Variants in LTF observed in about 807,000 individuals in gnomAD.
The protein encoded by LTF is lactotransferrin, also known as epididymis luminal protein 110.
LTF carries 91 observed loss-of-function variants against 87.2 expected under a neutral mutation model. The observed-to-expected ratio is 1.04, with a 90% CI of 0.88 to 1.24. LTF has a LOEUF of 1.24. Among genes scored for constraint, LTF ranks in the 50% most tolerant of loss-of-function variants. LTF has a pLI of 0.00. For missense variants in LTF, 901 were observed against 904.3 expected, an observed-to-expected ratio of 1.00 and a Z score of 0.05; for synonymous variants, 378 against 356.1, an observed-to-expected ratio of 1.06 and a Z score of -0.69.
chr3:46,474,025 C>G (rs1180128356), intron 1 of LTF, among the ~76,000 whole-genome samples: 1 of 151,906 alleles, frequency 6.6e-6, no homozygotes, highest in East Asian at 1.9e-4. Flanking sequence ...TTAAGTAACC[C>G]ACAGGACAGT....
intron 6 of LTF, 96 bp downstream of exon 6, chr3:46,454,209 G>T: frequency 1.9e-6 from 2 of 1,054,534 alleles, no homozygotes; most frequent in Non-Finnish European, 1.5e-6. Flanking sequence ...AAAATGGTCT[G>T]CCATGAACTT....
At position 46,450,678 on chromosome 3, in the gene LTF, A is replaced by C; in HGVS notation, c.704-5T>G. On this transcript the variant is annotated splice_polypyrimidine_tract_variant and splice_region_variant and intron_variant, in intron 6 of 16. Coordinates refer to ENST00000231751, the MANE Select transcript of LTF (RefSeq NM_002343.6). ...CAGCCTCGTCTGACAGGTCCTCTGC[A>C]GGGAAGGTGAGGTGGGAGGGAGTCT... The C allele has an allele frequency of 6.2e-7, 1 of 1,605,112 alleles. No homozygotes were observed. The highest frequency in any genetic ancestry group is 8.5e-7 in the Non-Finnish European group (1 of 1,172,262).
intron 1 of LTF, 27 bp from the exon 2 acceptor site, chr3:46,459,846 G>A: frequency 6.7e-7 from 1 of 1,493,404 alleles, no homozygotes; most frequent in Non-Finnish European, 8.9e-7. Context: ...AAGGAGTAAG[G>A]ATTCAACCAC....
chr3:46,473,081 G>A (rs1703315805), intron 1 of LTF, among the ~76,000 whole-genome samples: 1 of 151,986 alleles, frequency 6.6e-6, no homozygotes, highest in Admixed American at 6.5e-5. Context: ...TCCATTCCAT[G>A]GTCTGGAGAT....
At chr3:46,437,635 T>C (rs1702415947) in intron 16 of LTF, among the ~76,000 whole-genome samples, 1 of 152,158 alleles carries the variant, frequency 6.6e-6, no homozygotes, top group Non-Finnish European at 1.5e-5. Context: ...TTTTGTCATT[T>C]CTCAATGCAT....
In LTF at chr3:46,449,812, A is replaced by G. The variant is rs202085912; in HGVS notation, c.1057+42T>C. ...AGGGCCACCTGCTGGGAAGTAGAAG[A>G]CCACACCAGGCGGACCTCAGGACCC... is the stretch of plus-strand genomic sequence containing the variant. On this transcript the variant is annotated intron_variant, in intron 8 of 16. Coordinates refer to ENST00000231751, the MANE Select transcript of LTF (RefSeq NM_002343.6). 1.9e-5 allele frequency: 31 copies of G among 1,608,678 alleles called. No homozygotes were observed. In the Admixed American group the frequency reaches 2.8e-4, roughly 15 times the overall value.
Position 46,448,855 on chromosome 3 carries a change from C to T in LTF, c.1212+8G>A, listed in dbSNP as rs374024748. The T allele has an allele frequency of 3.7e-6, 6 of 1,611,724 alleles. No homozygotes were observed. Among genetic ancestry groups the T allele is most frequent in the Admixed American group, 1.7e-5 (1 of 59,330 alleles). ...CCCACCGCCCGCCCCTGTGATGGAG[C>T]TCCCTACCAGCACCAGGGCGATGCA... On this transcript the variant is annotated splice_region_variant and intron_variant, in intron 9 of 16. Coordinates refer to ENST00000231751, the MANE Select transcript of LTF (RefSeq NM_002343.6).
intron 5 of LTF, among the ~76,000 whole-genome samples, chr3:46,454,795 C>G (rs1013746923): frequency 6.6e-6 from 1 of 151,908 alleles, no homozygotes; most frequent in Admixed American, 6.6e-5. Flanking sequence ...TCAGCCTCCG[C>G]GTGGGGGCAG....
intron 7 of LTF, 49 bp downstream of exon 7, chr3:46,450,446 C>T: frequency 3.2e-6 from 5 of 1,559,084 alleles, no homozygotes; most frequent in East Asian, 2.4e-5. Flanking sequence ...AAACCTTGCT[C>T]CCTGCCCCCC....
rs1248099347 is a variant in LTF at position 46,464,679 on chromosome 3, G to C, written c.43+146C>G. The C allele has an allele frequency of 7.5e-6, 6 of 801,144 alleles. No homozygotes were observed. The Admixed American group carries it at 1.1e-4, about 15-fold the overall frequency. 49.6% of individuals were successfully genotyped at this position (801,144 alleles called of 1,614,324 possible). ...TGGGAAAGAGACTGGCCCCGCGTCC[G>C]GGCCGCCTCCCGGCTGTAGGCGCTG... On this transcript the variant is annotated intron_variant, in intron 1 of 16. Coordinates refer to ENST00000231751, the MANE Select transcript of LTF (RefSeq NM_002343.6).
intron 1 of LTF, among the ~76,000 whole-genome samples, chr3:46,473,230 T>C (rs1703317490): frequency 1.3e-5 from 2 of 152,172 alleles, no homozygotes; most frequent in East Asian, 1.9e-4. Flanking sequence ...TCCTCTCTTC[T>C]CCCATAATCT....
In LTF at chr3:46,455,695, A is replaced by G. The variant is rs997247769; in HGVS notation, c.499+101T>C. On this transcript the variant is annotated intron_variant, in intron 4 of 16. Transcript: ENST00000231751. ...GCTGGCCAGCCTCACCCCCACCTTG[A>G]TTCATCCCACACTTTCACCTGCATG... 3 of 1,382,608 alleles carry G rather than the reference A, an allele frequency of 2.2e-6. No homozygotes were observed. The Admixed American group carries it at 6.8e-5, about 31-fold the overall frequency. The allele number at this position is 1,382,608 out of a possible 1,614,324, so 85.6% of individuals were successfully genotyped here. A position where few individuals can be genotyped will look rare whatever the true frequency, so the allele number is the denominator to read the frequency against.
intron 1 of LTF, among the ~76,000 whole-genome samples, chr3:46,472,519 T>TGAGA (rs1559611667): frequency 6.7e-6 from 1 of 149,246 alleles, no homozygotes; most frequent in African/African-American, 2.5e-5. Context: ...TGTGTGTGTG[T>TGAGA]GTGTGTGTGA....
chr3:46,472,621 C>T (rs932061628), intron 1 of LTF, among the ~76,000 whole-genome samples: 1 of 151,750 alleles, frequency 6.6e-6, no homozygotes, highest in African/African-American at 2.4e-5. Context: ...GCCTCGAACT[C>T]CCAGGCTCAA....
chr3:46,482,515 G>A (rs866723859), intron 1 of LTF, among the ~76,000 whole-genome samples: 10 of 57,368 alleles, frequency 1.7e-4, no homozygotes, highest in Non-Finnish European at 2.5e-4. Flanking sequence ...GAAGGGAAGG[G>A]AAGGGAAGGG....
Position 46,459,721 on chromosome 3 carries a change from C to A in LTF, c.142G>T (p.Val48Leu), listed in dbSNP as rs769869250. 5.7e-6 allele frequency: 9 copies of A among 1,581,024 alleles called. No homozygotes were observed. The highest frequency in any genetic ancestry group is 6.0e-6 in the Non-Finnish European group (7 of 1,166,566). The part of the protein sequence containing the change: ...CFQWQRNMRK[V>L]RGPPVSCIKR... ...ATGCAGCTGACAGGAGGGCCACGCA[C>A]TTTTCTCATATTCCTTTGCCATTGG... is the stretch of plus-strand genomic sequence containing the variant. The change falls in exon 2 of 17, where the codon GTG becomes TTG. Residue 48 changes from valine (V) to leucine (L), a missense_variant. Transcript: ENST00000231751.
chr3:46,466,195 A>G (rs1703209899), upstream of LTF, among the ~76,000 whole-genome samples: 1 of 151,996 alleles, frequency 6.6e-6, no homozygotes, highest in African/African-American at 2.4e-5. Flanking sequence ...AGCCATGATC[A>G]TGTCACTGCA....
At chr3:46,459,901 A>C in intron 1 of LTF, 82 bp from the exon 2 acceptor site, 1 of 1,020,708 alleles carries the variant, frequency 9.8e-7, no homozygotes, top group Non-Finnish European at 1.3e-6. Context: ...AGTTTTCCAG[A>C]CTCCTCCCTC....
chr3:46,449,163 C>T (rs900051384), intron 8 of LTF, 146 bp from the exon 9 acceptor site: 1 of 668,068 alleles, frequency 1.5e-6, no homozygotes. Flanking sequence ...CCCTCTCCTC[C>T]TCCACTTCTC....
Sources: gnomAD v4.1 joint callset for allele counts (sites outside exome capture counted in the v4.1 genomes callset) on GRCh38, gnomAD v4.1.1 for gene constraint, MANE v1.5 for transcripts, NCBI Gene and HGNC (gene_info 2026-07-23, HGNC 2026-07-21) for gene names.